Variants in ATOH8 observed in about 807,000 individuals in gnomAD.
ATOH8 encodes atonal bHLH transcription factor 8, also known as transcription factor ATOH8.
ATOH8 carries 9 observed loss-of-function variants against 21.2 expected under a neutral mutation model. The observed-to-expected ratio is 0.42, with a 90% CI of 0.26 to 0.74. The LOEUF (loss-of-function observed/expected upper bound fraction) is 0.74, where lower values mean the gene tolerates loss of function less well. Ranked by LOEUF, ATOH8 falls within the 30% of genes least tolerant of loss-of-function variation. The pLI is 0.24. For missense variants in ATOH8, 524 were observed against 470.9 expected, an observed-to-expected ratio of 1.11 and a Z score of -1.04; for synonymous variants, 253 against 224.0, an observed-to-expected ratio of 1.13 and a Z score of -1.16.
chr2:85,756,212 T>A (rs1452045033), intron 1 of ATOH8, among the ~76,000 whole-genome samples: 4 of 151,774 alleles, frequency 2.6e-5, no homozygotes, highest in South Asian at 2.1e-4. Flanking sequence ...CGGGTGGCTG[T>A]CACAGACCAG....
Position 85,754,969 on chromosome 2 carries a change from C to T in ATOH8, c.768+12C>T. The T allele has an allele frequency of 1.3e-6, 2 of 1,579,024 alleles. No homozygotes were observed. Among genetic ancestry groups the T allele is most frequent in the South Asian group, 1.1e-5 (1 of 88,606 alleles). ...CGCTCAGGAAGCAGGTACCCGCTCGCCGCCGCACGCCCTCACTGCGCCGGG... is the reference window on the plus strand; with the variant it reads ...CGCTCAGGAAGCAGGTACCCGCTCGTCGCCGCACGCCCTCACTGCGCCGGG... On this transcript the variant is annotated intron_variant, in intron 1 of 2. Transcript: ENST00000306279.
intron 2 of ATOH8, chr2:85,772,918 CA>C: frequency 2.4e-6 from 1 of 417,998 alleles, no homozygotes; most frequent in Non-Finnish European, 4.7e-6. Flanking sequence ...GTGCTCCTGA[CA>C]CTGCGGAACT....
chr2:85,776,734 A>C (rs1680333834), intron 2 of ATOH8, among the ~76,000 whole-genome samples: 1 of 152,188 alleles, frequency 6.6e-6, no homozygotes, highest in South Asian at 2.1e-4. Flanking sequence ...CCCAGGAGCC[A>C]TTAAAGATGG....
At position 85,785,087 on chromosome 2, in the gene ATOH8, C is replaced by G. The variant is rs1680590268; in HGVS notation, c.961-1798C>G. ...GCCAACAGACGGCTTGGGGCTGGCC[C>G]CAGGCTGCCCTGACCGCCTTTACAG... is the stretch of plus-strand genomic sequence containing the variant. On this transcript the variant is annotated intron_variant, in intron 2 of 2. Transcript: ENST00000306279. The surrounding 1 kb of genome is among the most constrained non-coding windows in gnomAD (Gnocchi z 4.1). Among the ~76,000 whole-genome samples, 1 of 152,242 alleles carries G rather than the reference C, an allele frequency of 6.6e-6. No homozygotes were observed. Among genetic ancestry groups the G allele is most frequent in the African/African-American group, 2.4e-5 (1 of 41,466 alleles).
chr2:85,762,147 A>G (rs1046479916), intron 1 of ATOH8, among the ~76,000 whole-genome samples: 3 of 152,302 alleles, frequency 2.0e-5, no homozygotes, highest in East Asian at 1.9e-4. Flanking sequence ...ACTCAATGCA[A>G]TGCACACATC....
chr2:85,785,965 C>T lies in ATOH8; in HGVS notation c.961-920C>T, dbSNP rs1226881658. Among the ~76,000 whole-genome samples the T allele has an allele frequency of 5.9e-5, 9 of 152,172 alleles. No individual in the cohort carries two copies. The East Asian group carries it at 7.7e-4, about 13-fold the overall frequency. On this transcript the variant is annotated intron_variant, in intron 2 of 2. Coordinates refer to ENST00000306279, the MANE Select transcript of ATOH8 (RefSeq NM_032827.7). The surrounding 1 kb of genome is among the most constrained non-coding windows in gnomAD (Gnocchi z 4.1). ...TGGAGGTCTCACAGAGCCTCCCCAC[C>T]GGCTCTGACCTCCCCAGAGAGCTAA... is the stretch of plus-strand genomic sequence containing the variant.
intron 2 of ATOH8, among the ~76,000 whole-genome samples, chr2:85,776,428 A>C (rs1056934175): frequency 5.3e-5 from 8 of 152,242 alleles, no homozygotes; most frequent in Non-Finnish European, 7.3e-5. Context: ...AGGGCTGTGA[A>C]AGCATTTTGT....
chr2:85,781,016 A>G (rs1680473075), intron 2 of ATOH8: 1 of 987,930 alleles, frequency 1.0e-6, no homozygotes. Context: ...CTGTGCCCAG[A>G]ATAACCTCTG....
intron 1 of ATOH8, among the ~76,000 whole-genome samples, chr2:85,755,510 C>G (rs1679663240): frequency 6.6e-6 from 1 of 152,198 alleles, no homozygotes; most frequent in African/African-American, 2.4e-5. Context: ...TGCCCTCTCC[C>G]CAGGGGTGGG....
intron 2 of ATOH8, among the ~76,000 whole-genome samples, chr2:85,786,541 C>T (rs902306333): frequency 6.6e-6 from 1 of 152,184 alleles, no homozygotes; most frequent in African/African-American, 2.4e-5. Flanking sequence ...GGGGACGGGC[C>T]TCTGAGATCC....
At chr2:85,756,662 C>T (rs1322979877) in intron 1 of ATOH8, among the ~76,000 whole-genome samples, 1 of 152,188 alleles carries the variant, frequency 6.6e-6, no homozygotes, top group Non-Finnish European at 1.5e-5. Context: ...AACATAATCC[C>T]TGTCGAAATT....
rs187803097 is a variant in ATOH8, at chr2:85,765,423, T to C, written c.960+1241T>C. On this transcript the variant is annotated intron_variant, in intron 2 of 2. Coordinates refer to ENST00000306279, the MANE Select transcript of ATOH8 (RefSeq NM_032827.7). The stretch of plus-strand genomic sequence containing the variant: ...TCCCCGCTGCCGCTGCCACGGTAAC[T>C]GCACGTTGCATTCCTGGGAGTGCTT... Among the ~76,000 whole-genome samples, 81 of 152,350 alleles carry C rather than the reference T, an allele frequency of 5.3e-4. 3 individuals carry two copies. The East Asian group carries it at 0.015, about 28-fold the overall frequency.
In ATOH8 at chr2:85,782,456, A is replaced by G. The variant is rs543390927; in HGVS notation, c.961-4429A>G. Among the ~76,000 whole-genome samples, 6 of 150,450 alleles carry G rather than the reference A, an allele frequency of 4.0e-5. No individual in the cohort carries two copies. The East Asian group carries it at 1.2e-3, about 29-fold the overall frequency. ...TGATCAGGATAGGAAAACAATTAGA[A>G]TTTTTTTTTTTTAAACTGGAAACGA... On this transcript the variant is annotated intron_variant, in intron 2 of 2. Transcript: ENST00000306279.
chr2:85,774,516 G>A, intron 2 of ATOH8: 2 of 985,472 alleles, frequency 2.0e-6, no homozygotes, highest in African/African-American at 1.7e-5. Context: ...GAAGTCGGGA[G>A]CCATTCTCTC....
chr2:85,758,671 T>C (rs563463714), intron 1 of ATOH8, among the ~76,000 whole-genome samples: 1 of 151,968 alleles, frequency 6.6e-6, no homozygotes, highest in South Asian at 2.1e-4. Context: ...GGTGGGGAGG[T>C]GCAGGTGGGA....
intron 2 of ATOH8, among the ~76,000 whole-genome samples, chr2:85,764,425 G>A (rs1041638812): frequency 6.6e-5 from 10 of 152,170 alleles, no homozygotes; most frequent in Non-Finnish European, 1.0e-4. Context: ...TCTGGGCCCC[G>A]GTTTGCTCCT....
chr2:85,754,157 C>T lies in ATOH8; in HGVS notation c.-33C>T. The T allele has an allele frequency of 6.8e-7, 1 of 1,480,834 alleles. No homozygotes were observed. Among genetic ancestry groups the T allele is most frequent in the Non-Finnish European group, 8.9e-7 (1 of 1,122,582 alleles). The allele number at this position is 1,480,834 out of a possible 1,614,324, so 91.7% of individuals were successfully genotyped here. ...CTGAGCGCGGCGGCGGCCCGGGCAG[C>T]CCCACGCCCCTGCCTCGCGCGCCGC... On this transcript the variant is annotated 5_prime_UTR_variant, in exon 1 of 3. Transcript: ENST00000306279.
chr2:85,760,077 G>A (rs1240026177), intron 1 of ATOH8, among the ~76,000 whole-genome samples: 1 of 152,080 alleles, frequency 6.6e-6, no homozygotes, highest in East Asian at 1.9e-4. Flanking sequence ...GGGCTCCCAG[G>A]CCAGTGCTCT....
At position 85,785,242 on chromosome 2, in the gene ATOH8, C is replaced by G. The variant is rs757368626; in HGVS notation, c.961-1643C>G. On this transcript the variant is annotated intron_variant, in intron 2 of 2. Coordinates refer to ENST00000306279, the MANE Select transcript of ATOH8 (RefSeq NM_032827.7). This position sits in a 1 kb window ranked among gnomAD's most constrained non-coding sequence, Gnocchi z 4.1. ...CCAGGCAGCCAGCGCCGGGATGACG[C>G]GAGCTGTAAATCACCCCGTGGACCA... is the stretch of plus-strand genomic sequence containing the variant. Among the ~76,000 whole-genome samples the G allele has an allele frequency of 3.3e-5, 5 of 152,256 alleles. No individual in the cohort carries two copies. The highest frequency in any genetic ancestry group is 2.4e-5 in the African/African-American group (1 of 41,472).
Sources: gnomAD v4.1 joint callset for allele counts (sites outside exome capture counted in the v4.1 genomes callset) on GRCh38, gnomAD v4.1.1 for gene constraint, Gnocchi (gnomAD v3.1) non-coding constraint, MANE v1.5 for transcripts, NCBI Gene and HGNC (gene_info 2026-07-23, HGNC 2026-07-21) for gene names.